The following EPHA5 variants were observed in gnomAD, a reference collection of about 807,000 sequenced individuals.
EPHA5 encodes ephrin type-A receptor 5.
A neutral mutation model predicts 105.0 loss-of-function variants in EPHA5; 60 were observed. The observed-to-expected ratio is 0.57, with a 90% CI of 0.46 to 0.71. EPHA5 has a LOEUF of 0.71. EPHA5 is among the 30% of genes least tolerant of loss of function. The pLI, the probability that EPHA5 is intolerant of heterozygous loss-of-function variation, is 0.00. For synonymous variants in EPHA5, 513 were observed against 449.1 expected (o/e 1.14, Z -1.80); for missense variants, 1,218 against 1,274.7 (o/e 0.96, Z 0.68).
At chr4:65,336,938 G>A (rs1237156560) in intron 14 of EPHA5, among the ~76,000 whole-genome samples, 1 of 151,912 alleles carries the variant, frequency 6.6e-6, no homozygotes, top group African/African-American at 2.4e-5. Context: ...AAATATTAAT[G>A]AACATATTTC....
intron 3 of EPHA5, among the ~76,000 whole-genome samples, chr4:65,517,916 A>C (rs1311780588): frequency 6.6e-6 from 1 of 151,998 alleles, no homozygotes; most frequent in African/African-American, 2.4e-5. Flanking sequence ...TTAGTATTAC[A>C]TCTACTAAAT....
chr4:65,668,952 G>T (rs748018886), intron 1 of EPHA5, among the ~76,000 whole-genome samples: 12 of 151,830 alleles, frequency 7.9e-5, no homozygotes, highest in Non-Finnish European at 1.5e-4. Context: ...TGTGTGGGGC[G>T]CCTTCTGTCC....
intron 14 of EPHA5, among the ~76,000 whole-genome samples, chr4:65,346,352 A>G (rs1402729225): frequency 1.3e-5 from 2 of 152,012 alleles, no homozygotes; most frequent in African/African-American, 4.8e-5. Context: ...TAAATTTATA[A>G]TTTTGTTAGT....
intron 16 of EPHA5, among the ~76,000 whole-genome samples, chr4:65,325,155 T>C (rs1199848613): frequency 3.3e-5 from 5 of 151,432 alleles, no homozygotes; most frequent in Non-Finnish European, 7.4e-5. Flanking sequence ...AATTACCTTA[T>C]TGAACACATT....
chr4:65,520,205 G>A (rs1241391940), intron 3 of EPHA5, among the ~76,000 whole-genome samples: 1 of 151,992 alleles, frequency 6.6e-6, no homozygotes, highest in Non-Finnish European at 1.5e-5. Flanking sequence ...ACAAAACAGA[G>A]CCCTCAGAAA....
At chr4:65,630,081 TCACACACACACACA>T (rs35628731) in intron 2 of EPHA5, among the ~76,000 whole-genome samples, 10 of 146,624 alleles carry the variant, frequency 6.8e-5, no homozygotes, top group African/African-American at 2.2e-4. Flanking sequence ...TCTCTCTCTC[TCACACACACACACA>T]CACACACACA....
At chr4:65,531,106 CG>C (rs1735745411) in intron 3 of EPHA5, among the ~76,000 whole-genome samples, 2 of 150,948 alleles carry the variant, frequency 1.3e-5, no homozygotes, top group African/African-American at 2.4e-5. Context: ...GGCGCAATCT[CG>C]GCTCACTGCA....
intron 3 of EPHA5, among the ~76,000 whole-genome samples, chr4:65,586,334 G>T (rs113505022): frequency 6.6e-6 from 1 of 151,494 alleles, no homozygotes; most frequent in African/African-American, 2.4e-5. Flanking sequence ...ATAATAATTA[G>T]ACAATCTTAA....
rs780217523 is a variant in EPHA5, at chr4:65,348,235, A to G, written c.2446-32T>C. On this transcript the variant is annotated intron_variant, in intron 13 of 16. Coordinates refer to ENST00000613740, the MANE Select transcript of EPHA5 (RefSeq NM_001281766.3). ...TTGAAAAAGATTTAAAAAACTTCCT[A>G]CATACTTCAAATGTGCCTAGGGACA... 1.9e-6 allele frequency: 3 copies of G among 1,592,136 alleles called. No individual in the cohort carries two copies. The East Asian group carries it at 6.7e-5, about 36-fold the overall frequency.
chr4:65,582,044 T>C (rs1285802606), intron 3 of EPHA5, among the ~76,000 whole-genome samples: 1 of 151,664 alleles, frequency 6.6e-6, no homozygotes, highest in African/African-American at 2.4e-5. Flanking sequence ...CTATGAAGCA[T>C]ATAGAAATGG....
At chr4:65,552,756 C>T (rs923839421) in intron 3 of EPHA5, among the ~76,000 whole-genome samples, 2 of 151,926 alleles carry the variant, frequency 1.3e-5, no homozygotes, top group Non-Finnish European at 2.9e-5. Flanking sequence ...TTTTGTTTTC[C>T]TTTCTAATTA....
intron 2 of EPHA5, among the ~76,000 whole-genome samples, chr4:65,611,617 A>T (rs1210135638): frequency 2.0e-5 from 3 of 151,684 alleles, no homozygotes; most frequent in African/African-American, 7.3e-5. Context: ...CGAAAATATA[A>T]TGCTGCCTGT....
At chr4:65,393,145 C>A (rs957187482) in intron 8 of EPHA5, among the ~76,000 whole-genome samples, 1 of 152,060 alleles carries the variant, frequency 6.6e-6, no homozygotes, top group Non-Finnish European at 1.5e-5. Flanking sequence ...TAATATGAAG[C>A]TTTTTCCAAG....
At chr4:65,611,863 T>C (rs999098346) in intron 2 of EPHA5, among the ~76,000 whole-genome samples, 3 of 151,598 alleles carry the variant, frequency 2.0e-5, no homozygotes, top group African/African-American at 7.3e-5. Flanking sequence ...CATAATAAAG[T>C]GCACTCCAGC....
chr4:65,347,751 G>T (rs76362632), intron 14 of EPHA5, among the ~76,000 whole-genome samples: 18,230 of 151,974 alleles, frequency 0.12, 1,294 homozygotes, highest in African/African-American at 0.17. Flanking sequence ...ATTCTTTGAT[G>T]GCTCTTTCTT....
At chr4:65,464,362 A>C in intron 5 of EPHA5, among the ~76,000 whole-genome samples, 1 of 152,014 alleles carries the variant, frequency 6.6e-6, no homozygotes, top group African/African-American at 2.4e-5. Context: ...AAAGAAGAAG[A>C]TATGTGATAC....
chr4:65,467,305 G>A (rs1728814341), intron 5 of EPHA5, among the ~76,000 whole-genome samples: 1 of 152,102 alleles, frequency 6.6e-6, no homozygotes. Flanking sequence ...TTCCAACAGT[G>A]GTAGATTTAT....
intron 2 of EPHA5, among the ~76,000 whole-genome samples, chr4:65,623,497 T>G (rs1357658290): frequency 6.6e-6 from 1 of 152,100 alleles, no homozygotes; most frequent in Non-Finnish European, 1.5e-5. Context: ...AAGTATACAA[T>G]ATGTGAGAAT....
At chr4:65,535,396 C>T (rs573984565) in intron 3 of EPHA5, among the ~76,000 whole-genome samples, 130 of 152,118 alleles carry the variant, frequency 8.5e-4, no homozygotes, top group Non-Finnish European at 1.6e-3. Flanking sequence ...ACTGCCCGCA[C>T]GTAGTTGAAC....
Sources: gnomAD v4.1 joint callset for allele counts (sites outside exome capture counted in the v4.1 genomes callset) on GRCh38, gnomAD v4.1.1 for gene constraint, MANE v1.5 for transcripts, NCBI Gene and HGNC (gene_info 2026-07-23, HGNC 2026-07-21) for gene names.